The following LRRC4C variants were observed in gnomAD, a reference collection of about 807,000 sequenced individuals.
The protein encoded by LRRC4C is leucine rich repeat containing 4C.
A neutral mutation model predicts 33.6 loss-of-function variants in LRRC4C; 5 were observed. That is an observed-to-expected ratio of 0.15 (90% confidence interval 0.08 to 0.31). The LOEUF is 0.31. Ranked by LOEUF, LRRC4C falls within the 10% of genes least tolerant of loss-of-function variation. LRRC4C has a pLI of 1.00. For missense variants in LRRC4C, 560 were observed against 796.7 expected (o/e 0.70, Z 3.58); for synonymous variants, 329 against 302.0 (o/e 1.09, Z -0.93).
intron 2 of LRRC4C, among the ~76,000 whole-genome samples, chr11:40,711,417 A>T (rs1378012095): frequency 1.3e-5 from 2 of 152,180 alleles, no homozygotes; most frequent in African/African-American, 4.8e-5. Flanking sequence ...TATCTTCCCC[A>T]GTTATTGATC....
At chr11:40,538,744 G>C (rs2135369996) in intron 3 of LRRC4C, among the ~76,000 whole-genome samples, 1 of 152,242 alleles carries the variant, frequency 6.6e-6, no homozygotes, top group African/African-American at 2.4e-5. Context: ...GGTTGAACTA[G>C]TTTACTGTTC....
At chr11:41,290,500 C>T (rs987860985) in intron 1 of LRRC4C, among the ~76,000 whole-genome samples, 28 of 152,156 alleles carry the variant, frequency 1.8e-4, no homozygotes, top group African/African-American at 6.5e-4. Context: ...ATAGCATTGA[C>T]AATCGTTGTG....
chr11:40,828,050 G>A (rs1173796325), intron 2 of LRRC4C, among the ~76,000 whole-genome samples: 1 of 151,140 alleles, frequency 6.6e-6, no homozygotes, highest in African/African-American at 2.4e-5. Flanking sequence ...ATTTTTAACT[G>A]GTAACTATAA....
At chr11:40,570,500 G>A (rs1957940841) in intron 3 of LRRC4C, among the ~76,000 whole-genome samples, 1 of 152,138 alleles carries the variant, frequency 6.6e-6, no homozygotes, top group Non-Finnish European at 1.5e-5. Flanking sequence ...TAAAATGGTT[G>A]CATGTGTCCC....
intron 1 of LRRC4C, among the ~76,000 whole-genome samples, chr11:40,948,767 T>C (rs1375095403): frequency 4.8e-5 from 7 of 147,188 alleles, no homozygotes; most frequent in African/African-American, 7.4e-5. Flanking sequence ...CAGTCTATCA[T>C]TGTTGGACAT....
intron 1 of LRRC4C, among the ~76,000 whole-genome samples, chr11:41,249,051 T>G (rs1565516622): frequency 1.3e-5 from 2 of 152,012 alleles, no homozygotes; most frequent in Non-Finnish European, 2.9e-5. Context: ...TTTTTTTTTT[T>G]TGAGATGGAG....
At chr11:40,733,572 A>G (rs1947713835) in intron 2 of LRRC4C, among the ~76,000 whole-genome samples, 1 of 152,188 alleles carries the variant, frequency 6.6e-6, no homozygotes, top group Non-Finnish European at 1.5e-5. Flanking sequence ...TTCCTGAATC[A>G]TATACTATCT....
At chr11:41,121,001 T>C (rs573998740) in intron 1 of LRRC4C, among the ~76,000 whole-genome samples, 9 of 152,304 alleles carry the variant, frequency 5.9e-5, no homozygotes, top group African/African-American at 2.2e-4. Flanking sequence ...CTCTTCCTGT[T>C]AAGCCTGTGG....
chr11:40,359,152 G>C (rs886677167), intron 3 of LRRC4C, among the ~76,000 whole-genome samples: 1 of 152,164 alleles, frequency 6.6e-6, no homozygotes, highest in Non-Finnish European at 1.5e-5. Flanking sequence ...CTGATACAAA[G>C]AACTAATTCA....
intron 2 of LRRC4C, among the ~76,000 whole-genome samples, chr11:40,795,696 T>G (rs923165796): frequency 2.6e-5 from 4 of 152,172 alleles, no homozygotes; most frequent in African/African-American, 9.7e-5. Flanking sequence ...AGCTGTTTAT[T>G]TTGAGGTAGT....
At chr11:41,451,688 G>C (rs532162079) in intron 1 of LRRC4C, among the ~76,000 whole-genome samples, 1 of 152,192 alleles carries the variant, frequency 6.6e-6, no homozygotes, top group East Asian at 1.9e-4. Context: ...TGAAAGTGCT[G>C]GCAGCCAGGG....
chr11:40,968,318 G>C (rs1265717419), intron 1 of LRRC4C, among the ~76,000 whole-genome samples: 1 of 152,112 alleles, frequency 6.6e-6, no homozygotes, highest in Non-Finnish European at 1.5e-5. Flanking sequence ...CTGAGTGAAA[G>C]AAGCTATTTC....
intron 6 of LRRC4C, among the ~76,000 whole-genome samples, chr11:40,138,563 T>C (rs578118950): frequency 6.9e-4 from 105 of 152,338 alleles, no homozygotes; most frequent in African/African-American, 2.4e-3. Flanking sequence ...AAGTACCATG[T>C]TTAAGGCTTT....
At chr11:41,441,525 T>TC (rs1237093270) in intron 1 of LRRC4C, among the ~76,000 whole-genome samples, 5 of 149,838 alleles carry the variant, frequency 3.3e-5, no homozygotes, top group Non-Finnish European at 5.9e-5. Context: ...TTTCTCAGCC[T>TC]CCATTTTAAG....
intron 1 of LRRC4C, among the ~76,000 whole-genome samples, chr11:41,328,515 C>CA (rs1158795334): frequency 6.6e-6 from 1 of 152,128 alleles, no homozygotes; most frequent in Non-Finnish European, 1.5e-5. Flanking sequence ...CCCAGGCCAA[C>CA]ACTGCTCTGT....
chr11:40,351,454 T>G (rs1349800571), intron 3 of LRRC4C: 4 of 152,092 alleles, frequency 2.6e-5, no homozygotes, highest in Non-Finnish European at 4.4e-5. Flanking sequence ...TGTTTCTTTG[T>G]TGGTTTTCTG....
At chr11:41,367,980 C>G (rs1369914411) in intron 1 of LRRC4C, among the ~76,000 whole-genome samples, 1 of 152,040 alleles carries the variant, frequency 6.6e-6, no homozygotes, top group African/African-American at 2.4e-5. Context: ...ATTTTTTTGC[C>G]TTAGATTGTA....
intron 3 of LRRC4C, among the ~76,000 whole-genome samples, chr11:40,574,172 A>G (rs1035928791): frequency 1.3e-5 from 2 of 152,194 alleles, no homozygotes; most frequent in Non-Finnish European, 2.9e-5. Context: ...GTAACATTTT[A>G]AAGTCAAGGA....
intron 2 of LRRC4C, among the ~76,000 whole-genome samples, chr11:40,901,998 CTACACACACACACACACA>C (rs1956224370): frequency 7.9e-6 from 1 of 126,026 alleles, no homozygotes; most frequent in Admixed American, 8.2e-5. Context: ...CTCTCTCTCT[CTACACACACACACACACA>C]CACACACACA....
Sources: gnomAD v4.1 joint callset for allele counts (sites outside exome capture counted in the v4.1 genomes callset) on GRCh38, gnomAD v4.1.1 for gene constraint, MANE v1.5 for transcripts, NCBI Gene and HGNC (gene_info 2026-07-23, HGNC 2026-07-21) for gene names.